PID1: variants seen among roughly 807,000 people sequenced by gnomAD.
The protein encoded by PID1 is phosphotyrosine interaction domain containing 1, also known as PTB-containing, cubilin and LRP1-interacting protein.
Under a neutral mutation model 19.1 loss-of-function variants are expected in PID1, and 10 were observed. The observed-to-expected ratio is 0.52, with a 90% confidence interval of 0.32 to 0.89. The LOEUF (loss-of-function observed/expected upper bound fraction) is 0.89, where lower values mean the gene tolerates loss of function less well. Ranked by LOEUF, PID1 falls within the 40% of genes least tolerant of loss-of-function variation. The pLI is 0.03. For synonymous variants in PID1, 130 were observed against 116.0 expected (o/e 1.12, Z -0.78); for missense variants, 248 against 285.3 (o/e 0.87, Z 0.94).
intron 1 of PID1, chr2:229,227,961 G>A (rs1692116804): frequency 2.2e-6 from 1 of 455,934 alleles, no homozygotes; most frequent in South Asian, 1.5e-5. Context: ...TCATACCACG[G>A]TCTTGACTAT....
chr2:229,214,273 C>A (rs1258890439), intron 1 of PID1, among the ~76,000 whole-genome samples: 1 of 114,592 alleles, frequency 8.7e-6, no homozygotes, highest in Admixed American at 8.0e-5. Context: ...AAACTCAAGT[C>A]ATCTTACTTG....
At chr2:229,202,956 C>G (rs149898708) in intron 1 of PID1, among the ~76,000 whole-genome samples, 1,947 of 152,146 alleles carry the variant, frequency 0.013, 48 homozygotes, top group African/African-American at 0.045. Context: ...ACCATGGATC[C>G]TCTCCTCAGA....
At chr2:229,110,960 T>A (rs1349946775) in intron 2 of PID1, among the ~76,000 whole-genome samples, 2 of 152,168 alleles carry the variant, frequency 1.3e-5, no homozygotes, top group African/African-American at 4.8e-5. Flanking sequence ...AGAGACCTGA[T>A]GGGAGATAAT....
At chr2:229,064,167 T>A (rs1165683308) in intron 2 of PID1, among the ~76,000 whole-genome samples, 1 of 152,132 alleles carries the variant, frequency 6.6e-6, no homozygotes, top group African/African-American at 2.4e-5. Context: ...TCCTTCTGAA[T>A]GCAATAAGGT....
intron 2 of PID1, among the ~76,000 whole-genome samples, chr2:229,132,422 T>C (rs1280271494): frequency 6.6e-6 from 1 of 152,216 alleles, no homozygotes; most frequent in African/African-American, 2.4e-5. Context: ...GATCCAGCTT[T>C]CGGTGTCACT....
intron 2 of PID1, among the ~76,000 whole-genome samples, chr2:229,042,420 C>G (rs1693790304): frequency 6.6e-6 from 1 of 152,102 alleles, no homozygotes. Flanking sequence ...GTTGACTAAG[C>G]AATGTTCATA....
intron 1 of PID1, among the ~76,000 whole-genome samples, chr2:229,180,412 A>G (rs1690914520): frequency 6.6e-6 from 1 of 152,196 alleles, no homozygotes; most frequent in African/African-American, 2.4e-5. Context: ...GACAGAATGA[A>G]GCTTTAGGAA....
chr2:229,228,120 A>G (rs1692122378), intron 1 of PID1: 1 of 448,436 alleles, frequency 2.2e-6, no homozygotes, highest in Non-Finnish European at 4.5e-6. Context: ...ATCCAAGAGA[A>G]TCGAGATAAA....
At chr2:229,189,079 G>C (rs1419936) in intron 1 of PID1, among the ~76,000 whole-genome samples, 1 of 151,934 alleles carries the variant, frequency 6.6e-6, no homozygotes, top group Non-Finnish European at 1.5e-5. Flanking sequence ...TGAAGTGAAA[G>C]TTCTCTTCGT....
chr2:229,232,277 TA>T (rs745745459), intron 1 of PID1, among the ~76,000 whole-genome samples: 5 of 150,442 alleles, frequency 3.3e-5, no homozygotes, highest in Non-Finnish European at 5.9e-5. Context: ...CACAAAAAAA[TA>T]AAAATTAGCT....
chr2:229,191,736 T>A (rs539489052), intron 1 of PID1, among the ~76,000 whole-genome samples: 19 of 152,302 alleles, frequency 1.2e-4, no homozygotes, highest in East Asian at 1.9e-4. Flanking sequence ...AAGATTTTTT[T>A]AAAAATTGGT....
chr2:229,101,193 TAGAG>T (rs1190575556), intron 2 of PID1, among the ~76,000 whole-genome samples: 1 of 152,106 alleles, frequency 6.6e-6, no homozygotes, highest in Non-Finnish European at 1.5e-5. Flanking sequence ...CAAATGCAAT[TAGAG>T]AGAATTTTCA....
At chr2:229,180,541 G>T (rs760689135) in intron 1 of PID1, among the ~76,000 whole-genome samples, 3 of 152,168 alleles carry the variant, frequency 2.0e-5, no homozygotes, top group Non-Finnish European at 4.4e-5. Flanking sequence ...TACTGGAAAT[G>T]GAGGTTTCCA....
chr2:229,254,414 GTCTGCGTTA>G (rs1690238104), intron 1 of PID1, among the ~76,000 whole-genome samples: 1 of 152,182 alleles, frequency 6.6e-6, no homozygotes, highest in Admixed American at 6.5e-5. Context: ...TATTACCCAA[GTCTGCGTTA>G]CAATGTCCCA....
chr2:229,194,964 G>C (rs1255674694), intron 1 of PID1, among the ~76,000 whole-genome samples: 1 of 151,822 alleles, frequency 6.6e-6, no homozygotes, highest in Non-Finnish European at 1.5e-5. Context: ...CTACGAAGCA[G>C]TTTAATATAT....
At chr2:229,126,358 A>AATTACC (rs1274103883) in intron 2 of PID1, among the ~76,000 whole-genome samples, 1 of 152,128 alleles carries the variant, frequency 6.6e-6, no homozygotes, top group African/African-American at 2.4e-5. Flanking sequence ...AACAAGTTTA[A>AATTACC]ATTACCATTT....
At chr2:229,125,512 G>C (rs902205978) in intron 2 of PID1, among the ~76,000 whole-genome samples, 3 of 151,582 alleles carry the variant, frequency 2.0e-5, no homozygotes, top group Admixed American at 2.0e-4. Context: ...AATCCAATTT[G>C]GTCAGACCAT....
At chr2:229,054,473 T>C (rs1380245880) in intron 2 of PID1, among the ~76,000 whole-genome samples, 3 of 151,962 alleles carry the variant, frequency 2.0e-5, no homozygotes, top group Admixed American at 2.0e-4. Flanking sequence ...TGGGAATGAG[T>C]CAAATGTTGA....
intron 2 of PID1, among the ~76,000 whole-genome samples, chr2:229,035,506 ATG>A (rs3083806): frequency 0.13 from 19,555 of 147,920 alleles, 1,417 homozygotes; most frequent in East Asian, 0.33. Context: ...AATCATTTAT[ATG>A]TGTGTGTGTG....
Sources: allele counts gnomAD v4.1 joint callset (sites outside exome capture counted in the v4.1 genomes callset), GRCh38; gene constraint gnomAD v4.1.1; transcripts MANE v1.5; gene names NCBI Gene and HGNC (gene_info 2026-07-23, HGNC 2026-07-21).